RBM25: variants seen among roughly 807,000 people sequenced by gnomAD.
The protein encoded by RBM25 is RNA-binding protein 25.
In RBM25, 19 loss-of-function variants were observed where a neutral mutation model predicts 120.7. The observed-to-expected ratio is 0.16, with a 90% CI of 0.11 to 0.23. The LOEUF is 0.23. Ranked by LOEUF, RBM25 falls within the 10% of genes least tolerant of loss-of-function variation. The pLI, the probability that RBM25 is intolerant of heterozygous loss-of-function variation, is 1.00. For synonymous variants in RBM25, 390 were observed against 326.7 expected, an observed-to-expected ratio of 1.19 and a Z score of -2.09; for missense variants, 605 against 1,041.5, an observed-to-expected ratio of 0.58 and a Z score of 5.77.
chr14:73,103,948 T>TCTCTCTCA (rs1594928335), intron 10 of RBM25, among the ~76,000 whole-genome samples: 32 of 91,430 alleles, frequency 3.5e-4, no homozygotes, highest in Non-Finnish European at 7.1e-4. Context: ...TCTCTCTCTC[T>TCTCTCTCA]CACACACACA....
At chr14:73,068,021 TGGC>T (rs905298067) in intron 1 of RBM25, 7 of 314,404 alleles carry the variant, frequency 2.2e-5, no homozygotes, top group Non-Finnish European at 4.3e-5. Context: ...TTTCTTAAGT[TGGC>T]GGTAAGGCTG....
rs572367098 is a variant in RBM25 at position 73,097,336 on chromosome 14, G to A, written c.729+236G>A. Among the ~76,000 whole-genome samples the A allele has an allele frequency of 1.2e-3, 178 of 151,632 alleles. 2 individuals carry two copies. Among genetic ancestry groups the A allele is most frequent in the Non-Finnish European group, 6.3e-4 (43 of 67,904 alleles). ...CTGCCTCAGCCTCCTGAGTAGCTGG[G>A]ACTACAGGCATCCGCCACCATGCCC... On this transcript the variant is annotated intron_variant, in intron 7 of 18. Transcript: ENST00000261973.
intron 7 of RBM25, 112 bp downstream of exon 7, chr14:73,097,212 T>TTTTTC: frequency 1.3e-6 from 1 of 779,806 alleles, no homozygotes. Flanking sequence ...TTTTTTTTTT[T>TTTTTC]TTTTTTGAGA....
intron 1 of RBM25, chr14:73,068,559 G>C (rs980884243): frequency 7.8e-6 from 5 of 644,350 alleles, no homozygotes; most frequent in African/African-American, 1.8e-5. Context: ...CTTTGGCACT[G>C]ATGTGCTTTT....
At chr14:73,061,241 A>G (rs1324767725) in intron 1 of RBM25, among the ~76,000 whole-genome samples, 1 of 150,912 alleles carries the variant, frequency 6.6e-6, no homozygotes, top group Non-Finnish European at 1.5e-5. Flanking sequence ...TATTTTTAGT[A>G]GAGACGGGGT....
At chr14:73,085,552 C>T (rs1442196987) in intron 5 of RBM25, among the ~76,000 whole-genome samples, 1 of 151,326 alleles carries the variant, frequency 6.6e-6, no homozygotes, top group African/African-American at 2.4e-5. Flanking sequence ...TCAAGTGGTT[C>T]TCTTGCCTCA....
At chr14:73,088,986 C>T (rs537978003) in intron 6 of RBM25, among the ~76,000 whole-genome samples, 1 of 151,998 alleles carries the variant, frequency 6.6e-6, no homozygotes. Context: ...ACTAAAAATA[C>T]AAAAAATTAG....
rs755725497 is a variant in RBM25 at position 73,103,461 on chromosome 14, G to A, written c.1137G>A (p.Lys379=). The change falls in exon 10 of 19, where the codon AAG becomes AAA. Residue 379 remains lysine (K), a synonymous_variant. Coordinates refer to ENST00000261973, the MANE Select transcript of RBM25 (RefSeq NM_021239.3). ...GAGAAAGGAGCTCAGATCGTAATAA[G>A]GATCGCAGTCGATCAAGGTAAGGCT... ...RDRERSSDRN[K]DRSRSREKSR... 17 of 1,597,766 alleles carry A rather than the reference G, an allele frequency of 1.1e-5. No individual in the cohort carries two copies. The highest frequency in any genetic ancestry group is 2.2e-5 in the East Asian group (1 of 44,720).
intron 4 of RBM25, among the ~76,000 whole-genome samples, chr14:73,077,827 G>A (rs1895459398): frequency 6.6e-6 from 1 of 152,150 alleles, no homozygotes; most frequent in Middle Eastern, 3.2e-3. Flanking sequence ...TCTCCTAAGA[G>A]CAAGGACATT....
intron 18 of RBM25, among the ~76,000 whole-genome samples, chr14:73,115,921 A>T (rs1464605742): frequency 6.6e-6 from 1 of 152,196 alleles, no homozygotes; most frequent in East Asian, 1.9e-4. Context: ...TGACTATGGG[A>T]AATTCCTGGG....
chr14:73,097,405 T>C (rs1216115548), intron 7 of RBM25, among the ~76,000 whole-genome samples: 1 of 152,098 alleles, frequency 6.6e-6, no homozygotes, highest in African/African-American at 2.4e-5. Flanking sequence ...TTCACCGTGT[T>C]AGCCAGGATG....
intron 18 of RBM25, among the ~76,000 whole-genome samples, chr14:73,115,843 G>A (rs974253424): frequency 6.6e-6 from 1 of 152,204 alleles, no homozygotes; most frequent in Non-Finnish European, 1.5e-5. Flanking sequence ...GAGAGGTTAT[G>A]GTCAGAGTGT....
At chr14:73,081,700 T>TGTG (rs1470185124) in intron 4 of RBM25, among the ~76,000 whole-genome samples, 2 of 152,226 alleles carry the variant, frequency 1.3e-5, no homozygotes, top group Non-Finnish European at 2.9e-5. Context: ...TTTTATTTCA[T>TGTG]GTGGTCAGTA....
At chr14:73,105,126 C>CTTTTTTTTTTTTTTTTTTTTTTT (rs34862161) in intron 10 of RBM25, among the ~76,000 whole-genome samples, 1 of 109,564 alleles carries the variant, frequency 9.1e-6, no homozygotes, top group African/African-American at 3.8e-5. Flanking sequence ...GGTTTTATTA[C>CTTTTTTTTTTTTTTTTTTTTTTT]TTTTTTTTTT....
intron 6 of RBM25, among the ~76,000 whole-genome samples, chr14:73,094,718 G>A (rs1364939778): frequency 6.6e-6 from 1 of 152,202 alleles, no homozygotes; most frequent in East Asian, 1.9e-4. Flanking sequence ...AGTAGAGACG[G>A]GGTTTCACCA....
intron 1 of RBM25, among the ~76,000 whole-genome samples, chr14:73,070,945 C>CAA (rs377148981): frequency 0.09 from 11,098 of 123,780 alleles, 1,251 homozygotes; most frequent in African/African-American, 0.28. Context: ...GACTCCATCT[C>CAA]AAAAAAAAAA....
chr14:73,070,332 C>T (rs140189950), intron 1 of RBM25, among the ~76,000 whole-genome samples: 27 of 152,280 alleles, frequency 1.8e-4, no homozygotes, highest in African/African-American at 5.3e-4. Flanking sequence ...GTTGGGATTA[C>T]AGGCGTGAGC....
At chr14:73,094,840 TGTC>T (rs1895904473) in intron 6 of RBM25, among the ~76,000 whole-genome samples, 1 of 129,126 alleles carries the variant, frequency 7.7e-6, no homozygotes, top group African/African-American at 2.6e-5. Context: ...TGTGTGTGTG[TGTC>T]TGTGTGTGTG....
At chr14:73,091,411 A>G (rs930148591) in intron 6 of RBM25, among the ~76,000 whole-genome samples, 10 of 152,196 alleles carry the variant, frequency 6.6e-5, no homozygotes, top group African/African-American at 2.4e-4. Flanking sequence ...ATGAAGTTTC[A>G]CTGTGTTGTC....
Sources: allele counts gnomAD v4.1 joint callset (sites outside exome capture counted in the v4.1 genomes callset), GRCh38; gene constraint gnomAD v4.1.1; transcripts MANE v1.5; gene names NCBI Gene and HGNC (gene_info 2026-07-23, HGNC 2026-07-21).